Variants in ATP2C1 observed in about 807,000 individuals in gnomAD.
ATP2C1 encodes ATPase secretory pathway Ca2+ transporting 1.
ATP2C1 carries 31 observed loss-of-function variants against 120.5 expected under a neutral mutation model. That is an observed-to-expected ratio of 0.26 (90% CI 0.19 to 0.35). ATP2C1 has a LOEUF of 0.35. Among genes scored for constraint, ATP2C1 ranks in the 10% least tolerant of loss-of-function variants. The pLI is 1.00. For synonymous variants in ATP2C1, 351 were observed against 358.7 expected (o/e 0.98, Z 0.24); for missense variants, 731 against 1,107.5 (o/e 0.66, Z 4.83).
chr3:130,940,598 A>C (rs2059849280), intron 6 of ATP2C1, 32 bp from the exon 7 acceptor site: 8 of 1,468,048 alleles, frequency 5.4e-6, no homozygotes, highest in Non-Finnish European at 6.7e-6. Flanking sequence ...CATGGGAGCA[A>C]AATTAAATTC....
chr3:130,957,463 C>T (rs895644751), intron 11 of ATP2C1, among the ~76,000 whole-genome samples: 18 of 152,054 alleles, frequency 1.2e-4, no homozygotes, highest in Admixed American at 5.2e-4. Flanking sequence ...ACATTAAGCA[C>T]TTGCATTAAT....
At chr3:130,901,992 T>C (rs2057852397) in intron 2 of ATP2C1, among the ~76,000 whole-genome samples, 1 of 152,036 alleles carries the variant, frequency 6.6e-6, no homozygotes, top group South Asian at 2.1e-4. Flanking sequence ...CAGCATCTTC[T>C]ACCTCCCCCC....
intron 2 of ATP2C1, chr3:130,918,846 G>A (rs564241263): frequency 3.5e-4 from 117 of 333,678 alleles, no homozygotes; most frequent in Non-Finnish European, 6.4e-4. Context: ...AAAAAAATTA[G>A]CCAGGCATGG....
intron 1 of ATP2C1, among the ~76,000 whole-genome samples, chr3:130,852,763 C>T (rs1020383953): frequency 2.6e-5 from 4 of 152,156 alleles, no homozygotes; most frequent in African/African-American, 9.7e-5. Flanking sequence ...TTATGACCTG[C>T]ATATTTGTTG....
At chr3:130,893,886 T>C (rs527974955), upstream of ATP2C1, 2 of 979,258 alleles carry the variant, frequency 2.0e-6, no homozygotes, top group East Asian at 1.1e-4. Context: ...AACCCAAACA[T>C]TGTCCATTCC....
intron 1 of ATP2C1, among the ~76,000 whole-genome samples, chr3:130,853,469 C>A (rs1007890768): frequency 3.9e-5 from 6 of 152,188 alleles, no homozygotes; most frequent in Non-Finnish European, 7.4e-5. Context: ...ACCATGTTGA[C>A]TTCCACATAC....
intron 3 of ATP2C1, among the ~76,000 whole-genome samples, 179 bp downstream of exon 3, chr3:130,930,705 C>T (rs113104798): frequency 3.3e-5 from 5 of 152,116 alleles, no homozygotes; most frequent in Non-Finnish European, 2.9e-5. Flanking sequence ...TTAAACTTGA[C>T]AGAATTAAAC....
intron 18 of ATP2C1, among the ~76,000 whole-genome samples, chr3:130,977,586 T>G (rs927009621): frequency 2.0e-5 from 3 of 152,180 alleles, no homozygotes; most frequent in African/African-American, 7.2e-5. Flanking sequence ...TGGAACAAAG[T>G]TTTCCTACCT....
intron 1 of ATP2C1, among the ~76,000 whole-genome samples, chr3:130,867,154 C>T (rs1456910809): frequency 2.0e-5 from 3 of 152,182 alleles, no homozygotes; most frequent in Non-Finnish European, 4.4e-5. Context: ...TTCCCCAGCT[C>T]TCTTCTCCTT....
chr3:130,979,231 A>AT lies in ATP2C1; in HGVS notation c.1571-14dup. 1 of 1,612,758 alleles carries AT rather than the reference A, an allele frequency of 6.2e-7. No individual in the cohort carries two copies. Among genetic ancestry groups the AT allele is most frequent in the Non-Finnish European group, 8.5e-7 (1 of 1,179,262 alleles). On this transcript the variant is annotated splice_polypyrimidine_tract_variant and intron_variant, in intron 18 of 27. Coordinates refer to ENST00000510168, the MANE Select transcript of ATP2C1 (RefSeq NM_001378687.1). ...CTCACTTTTTTTTGTTGTTGTTTGG[A>AT]TTTTATTATTTCCTAAGTTCTTGCT...
intron 1 of ATP2C1, among the ~76,000 whole-genome samples, chr3:130,861,535 G>A (rs947439723): frequency 2.6e-5 from 4 of 152,160 alleles, no homozygotes; most frequent in Non-Finnish European, 5.9e-5. Context: ...CAATGGATTG[G>A]ATGAGGAACG....
At chr3:130,973,699 G>A (rs2061427078) in intron 17 of ATP2C1, among the ~76,000 whole-genome samples, 1 of 152,098 alleles carries the variant, frequency 6.6e-6, no homozygotes, top group Non-Finnish European at 1.5e-5. Flanking sequence ...TTGGACTGCT[G>A]CTAAGTAACA....
In ATP2C1 at chr3:130,933,915, T is replaced by C. The variant is rs557074045; in HGVS notation, c.235-707T>C. Among the ~76,000 whole-genome samples the C allele has an allele frequency of 6.6e-5, 10 of 152,336 alleles. 1 individual carries two copies. In the East Asian group the frequency reaches 1.2e-3, roughly 18 times the overall value. On this transcript the variant is annotated intron_variant, in intron 4 of 27. Coordinates refer to ENST00000510168, the MANE Select transcript of ATP2C1 (RefSeq NM_001378687.1). Reference sequence around the variant, plus strand: ...CTGGTGGGATGGATTCTTTTTAGCCTAATTACTTTGCAACTTTGACAGTGA... The same window carrying C: ...CTGGTGGGATGGATTCTTTTTAGCCCAATTACTTTGCAACTTTGACAGTGA...
At chr3:130,974,033 A>G (rs2061440764) in intron 17 of ATP2C1, among the ~76,000 whole-genome samples, 1 of 152,214 alleles carries the variant, frequency 6.6e-6, no homozygotes, top group Non-Finnish European at 1.5e-5. Context: ...CCAATTAGAA[A>G]TGGAAAGAAG....
intron 7 of ATP2C1, 22 bp from the exon 8 acceptor site, chr3:130,941,569 T>G: frequency 6.3e-7 from 1 of 1,591,602 alleles, no homozygotes; most frequent in Non-Finnish European, 8.6e-7. Flanking sequence ...TTAACCATGG[T>G]TGTTTCTATT....
chr3:130,931,976 T>C (rs747284178), intron 3 of ATP2C1, 46 bp from the exon 4 acceptor site: 5 of 1,260,412 alleles, frequency 4.0e-6, no homozygotes, highest in Non-Finnish European at 5.8e-6. Context: ...TGTTTTTCTT[T>C]TCTGTGCTAA....
At chr3:130,989,632 G>A (rs112100757) in intron 20 of ATP2C1, among the ~76,000 whole-genome samples, 33 of 150,894 alleles carry the variant, frequency 2.2e-4, no homozygotes, top group African/African-American at 7.0e-4. Flanking sequence ...CCGCTTGCTC[G>A]AGCCCGTTCT....
intron 2 of ATP2C1, among the ~76,000 whole-genome samples, chr3:130,906,257 C>G (rs562031117): frequency 2.0e-5 from 3 of 152,192 alleles, no homozygotes; most frequent in African/African-American, 7.2e-5. Context: ...TCGCTAGCCC[C>G]TGGTAACCAC....
chr3:130,986,288 T>A (rs1287097256), intron 20 of ATP2C1, among the ~76,000 whole-genome samples: 4 of 151,624 alleles, frequency 2.6e-5, no homozygotes, highest in Non-Finnish European at 4.4e-5. Context: ...TGGGACAGAG[T>A]ATTAGTAAAT....
Sources: gnomAD v4.1 joint callset for allele counts (sites outside exome capture counted in the v4.1 genomes callset) on GRCh38, gnomAD v4.1.1 for gene constraint, MANE v1.5 for transcripts, NCBI Gene and HGNC (gene_info 2026-07-23, HGNC 2026-07-21) for gene names.